ERCC4: variants seen among roughly 807,000 people sequenced by gnomAD.
ERCC4 encodes ERCC excision repair 4, endonuclease catalytic subunit, also known as DNA repair endonuclease XPF.
ERCC4 carries 65 observed loss-of-function variants against 76.9 expected under a neutral mutation model. The ratio of observed to expected loss-of-function variants is 0.84; its 90% CI spans 0.69 to 1.04. ERCC4 has a LOEUF of 1.04. ERCC4 is among the 50% of genes least tolerant of loss of function. The probability of loss-of-function intolerance (pLI) is 0.00; values close to 1 mark genes in which losing one functional copy is unlikely to be tolerated. For synonymous variants in ERCC4, 463 were observed against 410.1 expected (o/e 1.13, Z -1.56); for missense variants, 1,214 against 1,128.2 (o/e 1.08, Z -1.09).
At chr16:13,928,954 T>TA (rs2032120984) in intron 4 of ERCC4, among the ~76,000 whole-genome samples, 1 of 152,158 alleles carries the variant, frequency 6.6e-6, no homozygotes, top group Admixed American at 6.5e-5. Flanking sequence ...GTGGCGATTA[T>TA]AAAAAAGGAA....
At chr16:13,932,335 G>A (rs769450173) in intron 6 of ERCC4, 50 bp downstream of exon 6, 2 of 1,561,564 alleles carry the variant, frequency 1.3e-6, no homozygotes, top group East Asian at 2.2e-5. Flanking sequence ...TCGGTATTTG[G>A]TATGGAAATT....
At chr16:13,927,871 G>A (rs2032100701) in intron 3 of ERCC4, 157 bp from the exon 4 acceptor site, 1 of 643,238 alleles carries the variant, frequency 1.6e-6, no homozygotes, top group Non-Finnish European at 2.8e-6. Context: ...GAGGTTCAAA[G>A]TGTTTTTGAA....
In ERCC4 at chr16:13,952,311, T is replaced by G. The variant is rs1428056110; in HGVS notation, c.*3964T>G. 2 of 183,226 alleles carry G rather than the reference T, an allele frequency of 1.1e-5. No individual in the cohort carries two copies. Among genetic ancestry groups the G allele is most frequent in the Admixed American group, 1.2e-4 (2 of 16,028 alleles). The allele number at this position is 183,226 out of a possible 1,614,324, so 11.4% of individuals were successfully genotyped here. Reference sequence around the variant, plus strand: ...TGTTTCATTTTTTTTGTTTTTGTTATGCAGAATAAACAAGGCAGAAATGCT... The same window carrying G: ...TGTTTCATTTTTTTTGTTTTTGTTAGGCAGAATAAACAAGGCAGAAATGCT... On this transcript the variant is annotated 3_prime_UTR_variant, in exon 11 of 11. Coordinates refer to ENST00000311895, the MANE Select transcript of ERCC4 (RefSeq NM_005236.3).
Position 13,930,695 on chromosome 16 carries a change from T to G in ERCC4, c.793-15T>G. On this transcript the variant is annotated splice_polypyrimidine_tract_variant and intron_variant, in intron 4 of 10. Transcript: ENST00000311895. ...TAACATATTTTAGCAATACCAAATT[T>G]TATTCTTGTTTTAGACAATCCGCCA... 1.2e-6 allele frequency: 2 copies of G among 1,606,202 alleles called. No individual in the cohort carries two copies. The highest frequency in any genetic ancestry group is 1.7e-6 in the Non-Finnish European group (2 of 1,172,978).
intron 9 of ERCC4, 55 bp downstream of exon 9, chr16:13,937,913 G>A: frequency 9.2e-7 from 1 of 1,089,114 alleles, no homozygotes; most frequent in Non-Finnish European, 1.4e-6. Flanking sequence ...ACCTCTGGAT[G>A]GGGGAATATC....
In ERCC4 at chr16:13,921,992, G is replaced by T. The variant is rs200805983; in HGVS notation, c.208-39G>T. ...TCTGTGACCTATTAAAAACTGCCCT[G>T]TATTAAATAGCCTACTAATCAAGTT... On this transcript the variant is annotated intron_variant, in intron 1 of 10. Transcript: ENST00000311895. 4.5e-4 allele frequency: 659 copies of T among 1,456,860 alleles called. 1 individual carries two copies. The highest frequency in any genetic ancestry group is 5.9e-4 in the Non-Finnish European group (618 of 1,038,804). The allele number at this position is 1,456,860 out of a possible 1,614,324, so 90.2% of individuals were successfully genotyped here. A position where few individuals can be genotyped will look rare whatever the true frequency, so the allele number is the denominator to read the frequency against.
intron 9 of ERCC4, among the ~76,000 whole-genome samples, chr16:13,944,395 G>A (rs1402948730): frequency 6.6e-6 from 1 of 151,892 alleles, no homozygotes; most frequent in African/African-American, 2.4e-5. Context: ...AGAATCTCTT[G>A]GTGGCATTTT....
rs1328784678 is a variant in ERCC4, at chr16:13,949,792, T to G, written c.*1445T>G. The G allele has an allele frequency of 4.3e-6, 1 of 232,046 alleles. No individual in the cohort carries two copies. Among genetic ancestry groups the G allele is most frequent in the Non-Finnish European group, 8.5e-6 (1 of 117,358 alleles). 14.4% of individuals were successfully genotyped at this position (232,046 alleles called of 1,614,324 possible). On this transcript the variant is annotated 3_prime_UTR_variant, in exon 11 of 11. Coordinates refer to ENST00000311895, the MANE Select transcript of ERCC4 (RefSeq NM_005236.3). ...TGGCTTTTGTTCACATGTTGAGTAA[T>G]GGGTAGTAAATTTTCTACCTCAGGA... is the stretch of plus-strand genomic sequence containing the variant.
chr16:13,931,014 G>A (rs778503638), intron 5 of ERCC4, 124 bp downstream of exon 5: 109 of 718,214 alleles, frequency 1.5e-4, no homozygotes, highest in Non-Finnish European at 2.4e-4. Context: ...TTCAAATTAT[G>A]TTTTATGTTC....
intron 9 of ERCC4, among the ~76,000 whole-genome samples, chr16:13,939,836 T>C (rs752251170): frequency 2.0e-5 from 3 of 152,188 alleles, no homozygotes; most frequent in African/African-American, 4.8e-5. Flanking sequence ...AATCAAAGAA[T>C]TGGTGATACT....
rs958368914 is a variant in ERCC4 at position 13,950,400 on chromosome 16, A to G, written c.*2053A>G. 1 of 187,136 alleles carries G rather than the reference A, an allele frequency of 5.3e-6. No individual in the cohort carries two copies. Among genetic ancestry groups the G allele is most frequent in the East Asian group, 8.7e-5 (1 of 11,554 alleles). 11.6% of individuals were successfully genotyped at this position (187,136 alleles called of 1,614,324 possible). On this transcript the variant is annotated 3_prime_UTR_variant, in exon 11 of 11. Transcript: ENST00000311895. ...AATGAATTGAGGGGTATCAAGAACCAGATTGGTTACAGTAGAACTCTGTAA... is the reference window on the plus strand; with the variant it reads ...AATGAATTGAGGGGTATCAAGAACCGGATTGGTTACAGTAGAACTCTGTAA...
rs980536090 is a variant in ERCC4, at chr16:13,949,887, T to G, written c.*1540T>G. 1.3e-5 allele frequency: 3 copies of G among 232,600 alleles called. No homozygotes were observed. Among genetic ancestry groups the G allele is most frequent in the African/African-American group, 2.2e-5 (1 of 45,344 alleles). 14.4% of individuals were successfully genotyped at this position (232,600 alleles called of 1,614,324 possible). Reference sequence around the variant, plus strand: ...TGTTTCATCAACATCAGCTGTTTTTTTGTTTGCTACACTATTTGAACTAAT... The same window carrying G: ...TGTTTCATCAACATCAGCTGTTTTTGTGTTTGCTACACTATTTGAACTAAT... On this transcript the variant is annotated 3_prime_UTR_variant, in exon 11 of 11. Coordinates refer to ENST00000311895, the MANE Select transcript of ERCC4 (RefSeq NM_005236.3).
At chr16:13,929,581 G>A (rs1596622287) in intron 4 of ERCC4, among the ~76,000 whole-genome samples, 1 of 152,186 alleles carries the variant, frequency 6.6e-6, no homozygotes, top group East Asian at 1.9e-4. Flanking sequence ...GTCTGTGAAG[G>A]AAACATACAT....
intron 4 of ERCC4, 92 bp from the exon 5 acceptor site, chr16:13,930,618 C>T (rs981968327): frequency 3.6e-5 from 34 of 951,804 alleles, no homozygotes; most frequent in African/African-American, 6.6e-5. Context: ...TTTTTAGATA[C>T]ACAGGAAATA....
At chr16:13,931,995 C>T in intron 5 of ERCC4, 162 bp from the exon 6 acceptor site, 1 of 694,760 alleles carries the variant, frequency 1.4e-6, no homozygotes, top group Non-Finnish European at 2.5e-6. Context: ...CAGAAAACCA[C>T]TGGTCCAGCT....
intron 3 of ERCC4, among the ~76,000 whole-genome samples, chr16:13,927,019 C>A (rs2032085441): frequency 6.6e-6 from 1 of 152,174 alleles, no homozygotes; most frequent in South Asian, 2.1e-4. Context: ...CCACTTTATT[C>A]TTTCTTACAC....
rs112259692 is a variant in ERCC4, at chr16:13,952,260, G to A, written c.*3913G>A. On this transcript the variant is annotated 3_prime_UTR_variant, in exon 11 of 11. Coordinates refer to ENST00000311895, the MANE Select transcript of ERCC4 (RefSeq NM_005236.3). ...CATAGTGAAAGGGCATATATTACCA[G>A]CAGTAATAATTCAAAATCCTGAAAA... The A allele has an allele frequency of 1.1e-5, 2 of 186,688 alleles. No individual in the cohort carries two copies. The highest frequency in any genetic ancestry group is 6.2e-5 in the Admixed American group (1 of 16,144). The allele number at this position is 186,688 out of a possible 1,614,324, so 11.6% of individuals were successfully genotyped here. A position where few individuals can be genotyped will look rare whatever the true frequency, so the allele number is the denominator to read the frequency against.
chr16:13,947,469 A>C, intron 10 of ERCC4, 145 bp from the exon 11 acceptor site: 1 of 935,172 alleles, frequency 1.1e-6, no homozygotes, highest in Non-Finnish European at 1.6e-6. Context: ...TCTTTTTGAA[A>C]ATATAGAAAT....
In ERCC4 at chr16:13,944,757, G is replaced by T. The variant is rs1356223407; in HGVS notation, c.1939G>T (p.Glu647Ter). 6.2e-7 allele frequency: 1 copy of T among 1,613,946 alleles called. No homozygotes were observed. The highest frequency in any genetic ancestry group is 1.7e-5 in the Admixed American group (1 of 60,022). The change falls in exon 10 of 11, where the codon GAA becomes TAA. Residue 647 changes from glutamate to a stop codon, truncating the protein, a stop_gained. Transcript: ENST00000311895. LOFTEE classifies it high-confidence loss of function. ...KASMVVPEEREGRDETNLDLV... is the reference protein window; with the variant it reads ...KASMVVPEER ...AAGCATGGTTGTCCCTGAAGAAAGAGAAGGCAGAGATGAAACAAACTTAGA... is the reference window on the plus strand; with the variant it reads ...AAGCATGGTTGTCCCTGAAGAAAGATAAGGCAGAGATGAAACAAACTTAGA...
Sources: allele counts gnomAD v4.1 joint callset (sites outside exome capture counted in the v4.1 genomes callset), GRCh38; gene constraint gnomAD v4.1.1; transcripts MANE v1.5; gene names NCBI Gene and HGNC (gene_info 2026-07-23, HGNC 2026-07-21).